The following AFG2A variants were observed in gnomAD, a reference collection of about 807,000 sequenced individuals.
AFG2A encodes ATPase family gene 2 protein homolog A.
chr4:123,258,430 A>G, the AFG2A span, among the ~76,000 whole-genome samples: 1 of 152,336 alleles, frequency 6.6e-6, no homozygotes, highest in East Asian at 1.9e-4. Context: ...AGAACCTTCT[A>G]CATGGTGTGT....
the AFG2A span, among the ~76,000 whole-genome samples, chr4:123,312,472 C>T: frequency 6.6e-6 from 1 of 152,202 alleles, no homozygotes; most frequent in African/African-American, 2.4e-5. Flanking sequence ...GTCCCTTCAC[C>T]TCCCTTTGTA....
At chr4:122,945,161 T>C in the AFG2A span, among the ~76,000 whole-genome samples, 15 of 152,196 alleles carry the variant, frequency 9.9e-5, no homozygotes, top group Admixed American at 3.9e-4. Context: ...CACGGCTCTC[T>C]TCAAAGCTGT....
the AFG2A span, among the ~76,000 whole-genome samples, chr4:122,987,685 C>A: frequency 6.6e-6 from 1 of 152,158 alleles, no homozygotes; most frequent in Non-Finnish European, 1.5e-5. Flanking sequence ...TGGTCCCACA[C>A]ACAGACTCTA....
At chr4:123,077,075 T>G in the AFG2A span, among the ~76,000 whole-genome samples, 1 of 141,310 alleles carries the variant, frequency 7.1e-6, no homozygotes. Flanking sequence ...TGAGACAGAG[T>G]CTCACTTTGT....
At chr4:123,125,525 C>T in the AFG2A span, among the ~76,000 whole-genome samples, 1 of 152,110 alleles carries the variant, frequency 6.6e-6, no homozygotes, top group African/African-American at 2.4e-5. Context: ...CCTCACAGAC[C>T]AAATATATTA....
chr4:123,012,578 C>A, the AFG2A span, among the ~76,000 whole-genome samples: 1 of 152,266 alleles, frequency 6.6e-6, no homozygotes, highest in African/African-American at 2.4e-5. Flanking sequence ...AGGCAGGCAT[C>A]CCCGCAGTGA....
At chr4:123,095,708 A>AT in the AFG2A span, among the ~76,000 whole-genome samples, 3,268 of 9,754 alleles carry the variant, frequency 0.34, 66 homozygotes, top group Middle Eastern at 0.4. Context: ...GCTAAAACTG[A>AT]TTAAAAAAAA....
chr4:123,246,242 A>G, the AFG2A span, among the ~76,000 whole-genome samples: 1 of 152,218 alleles, frequency 6.6e-6, no homozygotes, highest in South Asian at 2.1e-4. Context: ...TTGTGCAGTT[A>G]TACTTCAAAG....
At chr4:123,020,315 T>C in the AFG2A span, among the ~76,000 whole-genome samples, 512 of 152,180 alleles carry the variant, frequency 3.4e-3, 3 homozygotes, top group Middle Eastern at 0.014. Flanking sequence ...AAATTGCTTG[T>C]ATTCCTATCA....
At chr4:123,114,824 G>T in the AFG2A span, among the ~76,000 whole-genome samples, 1 of 152,212 alleles carries the variant, frequency 6.6e-6, no homozygotes, top group Admixed American at 6.5e-5. Flanking sequence ...GGTGCAGGTG[G>T]CATAGTGGCC....
At chr4:122,938,171 G>A in the AFG2A span, 14 of 1,609,548 alleles carry the variant, frequency 8.7e-6, no homozygotes, top group Middle Eastern at 1.7e-4. Context: ...CACTTTGTCC[G>A]AAAAGAGAGG....
chr4:122,963,190 G>A, the AFG2A span, among the ~76,000 whole-genome samples: 3 of 152,276 alleles, frequency 2.0e-5, no homozygotes, highest in South Asian at 2.1e-4. Context: ...CAGGGAAATG[G>A]AACAGTATAT....
At chr4:123,266,616 T>C in the AFG2A span, among the ~76,000 whole-genome samples, 1 of 151,942 alleles carries the variant, frequency 6.6e-6, no homozygotes, top group African/African-American at 2.4e-5. Flanking sequence ...TGATTTATAT[T>C]TATAAACATC....
At chr4:122,981,293 G>A in the AFG2A span, among the ~76,000 whole-genome samples, 2 of 152,072 alleles carry the variant, frequency 1.3e-5, no homozygotes, top group Non-Finnish European at 2.9e-5. Flanking sequence ...TTTCGTCATT[G>A]CGTGTTCTTC....
At chr4:123,129,158 TTA>T in the AFG2A span, among the ~76,000 whole-genome samples, 2 of 152,344 alleles carry the variant, frequency 1.3e-5, no homozygotes, top group South Asian at 4.1e-4. Flanking sequence ...AGGCAATACT[TTA>T]AGACAAAAGA....
chr4:123,281,844 G>T, the AFG2A span, among the ~76,000 whole-genome samples: 1 of 152,166 alleles, frequency 6.6e-6, no homozygotes, highest in African/African-American at 2.4e-5. Context: ...AATCCAAAAA[G>T]GCTACATACT....
the AFG2A span, among the ~76,000 whole-genome samples, chr4:123,133,478 A>G: frequency 1.9e-5 from 2 of 103,782 alleles, no homozygotes; most frequent in Non-Finnish European, 4.8e-5. Context: ...AGTTCCTATC[A>G]TAGGCGTGTG....
At chr4:123,161,126 T>C in the AFG2A span, among the ~76,000 whole-genome samples, 1 of 152,208 alleles carries the variant, frequency 6.6e-6, no homozygotes, top group African/African-American at 2.4e-5. Flanking sequence ...TTCTTCAGAA[T>C]CTTATCCCAA....
the AFG2A span, chr4:123,317,149 C>T: frequency 7.8e-5 from 11 of 140,424 alleles, no homozygotes; most frequent in Admixed American, 7.1e-4. Flanking sequence ...GGCGTAAACC[C>T]GGGAGACGGA....
Sources: gnomAD v4.1 joint callset for allele counts (sites outside exome capture counted in the v4.1 genomes callset) on GRCh38, gnomAD v4.1.1 for gene constraint, MANE v1.5 for transcripts, NCBI Gene and HGNC (gene_info 2026-07-23, HGNC 2026-07-21) for gene names.